SLC71A1: variants seen among roughly 807,000 people sequenced by gnomAD.
SLC71A1 encodes hippocampus abundant gene transcript 1.
At chr1:100,063,024 A>G in the SLC71A1 span, among the ~76,000 whole-genome samples, 3 of 152,098 alleles carry the variant, frequency 2.0e-5, no homozygotes, top group African/African-American at 7.2e-5. Flanking sequence ...TTTAAAAAAT[A>G]GTCTAATTAA....
At chr1:100,071,086 C>G in the SLC71A1 span, among the ~76,000 whole-genome samples, 4 of 151,906 alleles carry the variant, frequency 2.6e-5, no homozygotes, top group Admixed American at 6.6e-5. Flanking sequence ...ATATTCATTC[C>G]TAGCCATGAG....
chr1:100,056,650 G>A, the SLC71A1 span, among the ~76,000 whole-genome samples: 1 of 152,184 alleles, frequency 6.6e-6, no homozygotes, highest in Admixed American at 6.5e-5. Context: ...GTAAATGTAG[G>A]AGTACAGCTA....
chr1:100,080,650 C>T, the SLC71A1 span: 2 of 1,613,522 alleles, frequency 1.2e-6, no homozygotes, highest in Admixed American at 1.7e-5. Flanking sequence ...CTCAGCACCA[C>T]TTTGAACAGG....
the SLC71A1 span, chr1:100,078,406 A>G: frequency 0.11 from 139,164 of 1,220,166 alleles, 10,944 homozygotes; most frequent in African/African-American, 0.38. Flanking sequence ...TTTCAGGTAC[A>G]GTGGAGAAGA....
chr1:100,057,617 GTGT>G, the SLC71A1 span, among the ~76,000 whole-genome samples: 1 of 152,018 alleles, frequency 6.6e-6, no homozygotes, highest in Non-Finnish European at 1.5e-5. Context: ...TCCTTCCAAA[GTGT>G]TGGGATTACA....
the SLC71A1 span, chr1:100,077,106 A>G: frequency 4.0e-5 from 33 of 816,940 alleles, no homozygotes; most frequent in East Asian, 8.3e-4. Flanking sequence ...TATAGTGTAG[A>G]TTGAAAGAAG....
At chr1:100,083,175 C>CAGTT in the SLC71A1 span, 3 of 152,242 alleles carry the variant, frequency 2.0e-5, no homozygotes, top group South Asian at 2.1e-4. Context: ...TTTTTGTGTC[C>CAGTT]AGTTATATTA....
chr1:100,045,869 C>T, the SLC71A1 span, among the ~76,000 whole-genome samples: 1 of 152,012 alleles, frequency 6.6e-6, no homozygotes, highest in Admixed American at 6.6e-5. Flanking sequence ...AGTGTATTCC[C>T]AATGTTTTCT....
chr1:100,059,144 G>GTGTTTTTTTT, the SLC71A1 span, among the ~76,000 whole-genome samples: 366 of 75,380 alleles, frequency 4.9e-3, 8 homozygotes, highest in African/African-American at 6.9e-3. Context: ...TCTTTTTCGT[G>GTGTTTTTTTT]TTTTTTTTTT....
chr1:100,041,492 T>C, the SLC71A1 span, among the ~76,000 whole-genome samples: 4 of 152,256 alleles, frequency 2.6e-5, no homozygotes, highest in Non-Finnish European at 5.9e-5. Context: ...GCAATTGTTC[T>C]GTTTGAAAAC....
chr1:100,047,766 T>G, the SLC71A1 span, among the ~76,000 whole-genome samples: 1 of 152,180 alleles, frequency 6.6e-6, no homozygotes, highest in Non-Finnish European at 1.5e-5. Flanking sequence ...GGAGGTTTGC[T>G]AGTATTTTGT....
At chr1:100,068,051 C>T in the SLC71A1 span, 5 of 1,614,030 alleles carry the variant, frequency 3.1e-6, no homozygotes, top group African/African-American at 5.3e-5. Context: ...TATATGGGGA[C>T]AGCTTGGTGG....
chr1:100,064,430 C>T, the SLC71A1 span, among the ~76,000 whole-genome samples: 1 of 152,116 alleles, frequency 6.6e-6, no homozygotes, highest in Non-Finnish European at 1.5e-5. Flanking sequence ...CGCCTGGCCC[C>T]CATGTGAATA....
the SLC71A1 span, among the ~76,000 whole-genome samples, chr1:100,065,336 G>A: frequency 1.3e-5 from 2 of 152,180 alleles, no homozygotes; most frequent in African/African-American, 4.8e-5. Flanking sequence ...TTGCAAGTAA[G>A]CATTCTTGTG....
At chr1:100,050,108 C>T in the SLC71A1 span, 3 of 671,064 alleles carry the variant, frequency 4.5e-6, no homozygotes, top group African/African-American at 3.6e-5. Context: ...AATTCTCCCA[C>T]CAGTATTGTT....
At chr1:100,077,092 C>T in the SLC71A1 span, 1 of 722,668 alleles carries the variant, frequency 1.4e-6, no homozygotes, top group Non-Finnish European at 2.3e-6. Flanking sequence ...GCCAATAGTC[C>T]TTTTATAGTG....
the SLC71A1 span, among the ~76,000 whole-genome samples, chr1:100,038,613 G>C: frequency 6.6e-6 from 1 of 152,072 alleles, no homozygotes; most frequent in Non-Finnish European, 1.5e-5. Context: ...CTCCGCCGCG[G>C]GGAGGAATGT....
chr1:100,064,629 A>G, the SLC71A1 span, among the ~76,000 whole-genome samples: 2 of 152,132 alleles, frequency 1.3e-5, no homozygotes, highest in Non-Finnish European at 2.9e-5. Flanking sequence ...AATAATACAA[A>G]ACATCTTTTG....
At chr1:100,056,453 A>G in the SLC71A1 span, among the ~76,000 whole-genome samples, 1 of 152,190 alleles carries the variant, frequency 6.6e-6, no homozygotes, top group Non-Finnish European at 1.5e-5. Context: ...ATAGTGCTGC[A>G]TACAAAAATT....
Sources: gnomAD v4.1 joint callset for allele counts (sites outside exome capture counted in the v4.1 genomes callset) on GRCh38, gnomAD v4.1.1 for gene constraint, MANE v1.5 for transcripts, NCBI Gene and HGNC (gene_info 2026-07-23, HGNC 2026-07-21) for gene names.